Variants in IGHMBP2 observed in about 807,000 individuals in gnomAD.
IGHMBP2 encodes the protein DNA-binding protein SMUBP-2.
In IGHMBP2, 81 loss-of-function variants were observed where a neutral mutation model predicts 96.0. The ratio of observed to expected loss-of-function variants is 0.84; its 90% confidence interval spans 0.71 to 1.01. The LOEUF is 1.01. Among genes scored for constraint, IGHMBP2 ranks in the 50% least tolerant of loss-of-function variants. The probability of loss-of-function intolerance (pLI) is 0.00; values close to 1 mark genes in which losing one functional copy is unlikely to be tolerated. For synonymous variants in IGHMBP2, 557 were observed against 548.9 expected (o/e 1.01, Z -0.21); for missense variants, 1,227 against 1,306.3 (o/e 0.94, Z 0.94).
intron 8 of IGHMBP2, among the ~76,000 whole-genome samples, chr11:68,931,330 G>C (rs1048739523): frequency 1.3e-5 from 2 of 152,090 alleles, no homozygotes; most frequent in South Asian, 2.1e-4. Context: ...AAGAGCTCCC[G>C]ACCCACCACC....
In IGHMBP2 at chr11:68,938,195, A is replaced by G; in HGVS notation, c.2625A>G (p.Thr875=). The change falls in exon 14 of 15, where the codon ACA becomes ACG. Residue 875 remains threonine (T), a synonymous_variant. Coordinates refer to ENST00000255078, the MANE Select transcript of IGHMBP2 (RefSeq NM_002180.3). ...GGTCTTCTCCAGGACATCCGGCCACAGATCTGCCCACGGAGGAGGACTTTG... is the reference window on the plus strand; with the variant it reads ...GGTCTTCTCCAGGACATCCGGCCACGGATCTGCCCACGGAGGAGGACTTTG... The part of the protein sequence containing the change: ...KKKKAKGHPA[T]DLPTEEDFEA... 6.2e-7 allele frequency: 1 copy of G among 1,614,116 alleles called. No individual in the cohort carries two copies. Among genetic ancestry groups the G allele is most frequent in the South Asian group, 1.1e-5 (1 of 91,090 alleles).
At chr11:68,911,037 T>C (rs1356957129) in intron 4 of IGHMBP2, among the ~76,000 whole-genome samples, 2 of 152,222 alleles carry the variant, frequency 1.3e-5, no homozygotes, top group Non-Finnish European at 2.9e-5. Flanking sequence ...GAAAGGAATA[T>C]GCTCTAGGAA....
Position 68,914,911 on chromosome 11 carries a change from A to T in IGHMBP2, c.800A>T (p.His267Leu). 6.2e-7 allele frequency: 1 copy of T among 1,614,108 alleles called. No individual in the cohort carries two copies. The highest frequency in any genetic ancestry group is 1.1e-5 in the South Asian group (1 of 91,076). The change falls in exon 6 of 15, where the codon CAC (histidine) becomes CTC (leucine). Residue 267 changes from histidine to leucine, a missense_variant. By Grantham distance (99) the His-to-Leu change is moderately conservative. Around this residue, in one of 3 missense-constraint regions of IGHMBP2, gnomAD observed 507 missense variants for 496.9 expected, o/e 1.02. Coordinates refer to ENST00000255078, the MANE Select transcript of IGHMBP2 (RefSeq NM_002180.3). Reference protein sequence around the residue: ...LCKQRILRLGHPARLLESIQQ... With the variant: ...LCKQRILRLGLPARLLESIQQ... ...AAGCAGCGGATTCTGCGCCTGGGAC[A>T]CCCTGCCCGCCTCCTGGAGTCCATT...
Position 68,937,078 on chromosome 11 carries a change from G to GA in IGHMBP2, c.2604dup (p.Ala869SerfsTer16), listed in dbSNP as rs767088664. 6.3e-7 allele frequency: 1 copy of GA among 1,598,400 alleles called. No individual in the cohort carries two copies. On this transcript the variant is annotated frameshift_variant, in exon 13 of 15. Coordinates refer to ENST00000255078, the MANE Select transcript of IGHMBP2 (RefSeq NM_002180.3). LOFTEE classifies it high-confidence loss of function. ...AGCAGAAACTTCCAGAAAAGAAAAA[G>GA]AAAAAAGCCAAAGGTAAGTCAACTA...
rs189968416 is a variant in IGHMBP2, at chr11:68,905,088, G to A, written c.87-981G>A. Among the ~76,000 whole-genome samples the A allele has an allele frequency of 1.3e-3, 193 of 152,320 alleles. 1 individual carries two copies. Among genetic ancestry groups the A allele is most frequent in the African/African-American group, 4.0e-3 (166 of 41,594 alleles). On this transcript the variant is annotated intron_variant, in intron 1 of 14. Coordinates refer to ENST00000255078, the MANE Select transcript of IGHMBP2 (RefSeq NM_002180.3). ...TGGGATTACAGGCGTGAGCCACCGT[G>A]CCCGGCCGCAGTGTAGGTTTCTGTT...
rs1859546493 is a variant in IGHMBP2 at position 68,936,702 on chromosome 11, A to G, written c.2222A>G (p.Lys741Arg). The G allele has an allele frequency of 2.5e-6, 4 of 1,614,096 alleles. No homozygotes were observed. In the African/African-American group the frequency reaches 4.0e-5, roughly 16 times the overall value. ...ATAGTGGAGTTCATGGCCAGCAAGA[A>G]GATGCAGTTGGAGTTTCCTCCTTCC... The part of the protein sequence containing the change: ...AMIVEFMASK[K>R]MQLEFPPSLN... The change falls in exon 13 of 15, where the codon AAG (lysine) becomes AGG (arginine). Residue 741 changes from lysine (K) to arginine (R), a missense_variant. Physicochemically the swap from Lys to Arg is conservative, Grantham distance 26. This residue lies in a region of IGHMBP2 where 703 missense variants were observed against 770.3 expected (regional missense o/e 0.91). Coordinates refer to ENST00000255078, the MANE Select transcript of IGHMBP2 (RefSeq NM_002180.3).
intron 11 of IGHMBP2, 60 bp from the exon 12 acceptor site, chr11:68,935,239 C>G (rs1859478400): frequency 6.2e-7 from 1 of 1,606,178 alleles, no homozygotes. Context: ...AGCTGAAGGG[C>G]AGGGTCTTGC....
intron 2 of IGHMBP2, 145 bp from the exon 3 acceptor site, chr11:68,908,000 C>CTT (rs34242855): frequency 0.013 from 9,380 of 701,382 alleles, no homozygotes; most frequent in Middle Eastern, 0.017. Context: ...AACTTACTTT[C>CTT]TTTTTTTTTT....
At chr11:68,927,476 G>A (rs530228201) in intron 7 of IGHMBP2, among the ~76,000 whole-genome samples, 6 of 152,286 alleles carry the variant, frequency 3.9e-5, no homozygotes, top group Admixed American at 6.5e-5. Flanking sequence ...TGTGCAGTGC[G>A]TTGAGCTGAG....
chr11:68,925,804 C>T (rs559438807), intron 7 of IGHMBP2, among the ~76,000 whole-genome samples: 1 of 152,294 alleles, frequency 6.6e-6, no homozygotes, highest in Non-Finnish European at 1.5e-5. Context: ...GATGGGAAAG[C>T]AGCTATTGAT....
At chr11:68,931,026 C>T (rs1164165853) in intron 8 of IGHMBP2, among the ~76,000 whole-genome samples, 2 of 152,154 alleles carry the variant, frequency 1.3e-5, no homozygotes, top group African/African-American at 2.4e-5. Context: ...GAATAGGTAC[C>T]ATGAGTCCTC....
In IGHMBP2 at chr11:68,913,068, A is replaced by AC. The variant is rs1594424890; in HGVS notation, c.711+1467dup. On this transcript the variant is annotated intron_variant, in intron 5 of 14. Coordinates refer to ENST00000255078, the MANE Select transcript of IGHMBP2 (RefSeq NM_002180.3). The stretch of plus-strand genomic sequence containing the variant: ...CAAAAAAAAAAAAAAAAAAAAAAAA[A>AC]CCAAAAAAACCACGAGGAAACTGAG... 1.4e-5 allele frequency among the ~76,000 whole-genome samples: 2 copies of AC among 140,358 alleles called. 1 individual carries two copies. Among genetic ancestry groups the AC allele is most frequent in the Non-Finnish European group, 3.2e-5 (2 of 63,234 alleles). 92.1% of individuals were successfully genotyped at this position (140,358 alleles called of 152,430 possible). A position where few individuals can be genotyped will look rare whatever the true frequency, so the allele number is the denominator to read the frequency against.
In IGHMBP2 at chr11:68,916,584, C is replaced by T. The variant is rs116159437; in HGVS notation, c.913-1152C>T. On this transcript the variant is annotated intron_variant, in intron 6 of 14. Coordinates refer to ENST00000255078, the MANE Select transcript of IGHMBP2 (RefSeq NM_002180.3). ...GTCTTTGCTCTAATGTCTGTGCTCA[C>T]ATCTTGTCCTGTGTGCTTACGGTCA... Among the ~76,000 whole-genome samples the T allele has an allele frequency of 5.3e-3, 803 of 151,834 alleles. 5 individuals carry two copies. The highest frequency in any genetic ancestry group is 0.019 in the African/African-American group (769 of 41,382).
chr11:68,938,866 C>G (rs1031077450), intron 14 of IGHMBP2, among the ~76,000 whole-genome samples: 2 of 152,108 alleles, frequency 1.3e-5, no homozygotes, highest in African/African-American at 4.8e-5. Context: ...GCATACAGTA[C>G]CAGGTGTTGA....
intron 5 of IGHMBP2, among the ~76,000 whole-genome samples, chr11:68,913,362 G>C (rs1265876141): frequency 6.6e-6 from 1 of 152,148 alleles, no homozygotes; most frequent in Admixed American, 6.5e-5. Context: ...CTTTGGACAT[G>C]CCAGTGGGGT....
intron 2 of IGHMBP2, chr11:68,906,526 A>T: frequency 2.4e-6 from 1 of 415,906 alleles, no homozygotes; most frequent in East Asian, 4.6e-5. Context: ...TAAAAAAACA[A>T]TTGGGAATAT....
intron 11 of IGHMBP2, 114 bp downstream of exon 11, chr11:68,934,672 G>A: frequency 2.4e-6 from 2 of 824,848 alleles, no homozygotes; most frequent in East Asian, 2.7e-5. Context: ...CAGGGGTAGG[G>A]CTGACCTTAT....
chr11:68,933,991 G>A, intron 10 of IGHMBP2, 78 bp downstream of exon 10: 1 of 1,029,146 alleles, frequency 9.7e-7, no homozygotes, highest in South Asian at 1.4e-5. Flanking sequence ...CACTTTAATT[G>A]CCTAATTCCG....
chr11:68,929,559 A>G (rs962366924), intron 8 of IGHMBP2, among the ~76,000 whole-genome samples: 1 of 152,210 alleles, frequency 6.6e-6, no homozygotes, highest in Admixed American at 6.5e-5. Context: ...GTGGGGTCGC[A>G]TCACCTTCAT....
Sources: allele counts gnomAD v4.1 joint callset (sites outside exome capture counted in the v4.1 genomes callset), GRCh38; gene constraint gnomAD v4.1.1; regional missense constraint gnomAD v4.1.1; transcripts MANE v1.5; gene names NCBI Gene and HGNC (gene_info 2026-07-23, HGNC 2026-07-21).